PRKG1: variants seen among roughly 807,000 people sequenced by gnomAD.
PRKG1 encodes the protein cGMP-dependent protein kinase 1.
A neutral mutation model predicts 88.1 loss-of-function variants in PRKG1; 35 were observed. The ratio of observed to expected loss-of-function variants is 0.40; its 90% CI spans 0.30 to 0.53. PRKG1 has a LOEUF of 0.53. Ranked by LOEUF, PRKG1 falls within the 20% of genes least tolerant of loss-of-function variation. PRKG1 has a pLI of 0.59. For missense variants in PRKG1, 540 were observed against 839.8 expected, an observed-to-expected ratio of 0.64 and a Z score of 4.41; for synonymous variants, 303 against 292.5, an observed-to-expected ratio of 1.04 and a Z score of -0.37.
chr10:52,114,127 G>A (rs1363063768), intron 7 of PRKG1, among the ~76,000 whole-genome samples: 1 of 152,014 alleles, frequency 6.6e-6, no homozygotes, highest in Non-Finnish European at 1.5e-5. Context: ...CTATGTTATT[G>A]CTCAGTTTAG....
chr10:52,034,343 T>A lies in PRKG1; in HGVS notation c.763-20141T>A, dbSNP rs10823986. 5.2e-5 allele frequency among the ~76,000 whole-genome samples: 5 copies of A among 96,452 alleles called. 1 individual carries two copies. Among genetic ancestry groups the A allele is most frequent in the Admixed American group, 1.1e-4 (1 of 9,082 alleles). The allele number at this position is 96,452 out of a possible 152,430, so 63.3% of individuals were successfully genotyped here. On this transcript the variant is annotated intron_variant, in intron 5 of 17. Transcript: ENST00000373980. ...GGGCTGCTTCAAGCGGGATTAGGGG[T>A]GACGTGGGAACCTAGAGTGGGAGAG...
At chr10:51,616,794 G>A (rs1466166523) in intron 3 of PRKG1, among the ~76,000 whole-genome samples, 1 of 152,136 alleles carries the variant, frequency 6.6e-6, no homozygotes, top group East Asian at 1.9e-4. Context: ...GTAGGGTGGG[G>A]CTGTCTTCAC....
At chr10:52,087,600 A>G (rs951330530) in intron 7 of PRKG1, among the ~76,000 whole-genome samples, 1 of 152,150 alleles carries the variant, frequency 6.6e-6, no homozygotes, top group African/African-American at 2.4e-5. Flanking sequence ...AGAGAAATTT[A>G]CTCACATTTT....
intron 2 of PRKG1, among the ~76,000 whole-genome samples, chr10:51,401,144 T>C (rs1475511943): frequency 1.3e-5 from 2 of 152,256 alleles, no homozygotes; most frequent in Admixed American, 1.3e-4. Context: ...AATATTAATT[T>C]TAACAATATA....
At chr10:51,572,151 A>G (rs1223946452) in intron 3 of PRKG1, among the ~76,000 whole-genome samples, 1 of 151,898 alleles carries the variant, frequency 6.6e-6, no homozygotes, top group Non-Finnish European at 1.5e-5. Flanking sequence ...TTACTTTTGT[A>G]AATTTCTGAG....
intron 5 of PRKG1, among the ~76,000 whole-genome samples, chr10:52,000,087 C>A (rs549190395): frequency 2.8e-4 from 42 of 152,096 alleles, no homozygotes; most frequent in Admixed American, 2.0e-3. Context: ...CACTCACACC[C>A]TTTCCATTAC....
intron 2 of PRKG1, among the ~76,000 whole-genome samples, chr10:51,266,906 A>C (rs1450212747): frequency 1.3e-5 from 2 of 150,066 alleles, no homozygotes; most frequent in African/African-American, 5.0e-5. Context: ...TTATAGGCCA[A>C]TATCTGCCAG....
intron 2 of PRKG1, among the ~76,000 whole-genome samples, chr10:51,210,799 G>A (rs940686379): frequency 6.6e-6 from 1 of 151,958 alleles, no homozygotes; most frequent in African/African-American, 2.4e-5. Context: ...CCAATAACAG[G>A]TCTGAAATTG....
At chr10:51,704,788 T>C (rs958886608) in intron 3 of PRKG1, among the ~76,000 whole-genome samples, 2 of 151,962 alleles carry the variant, frequency 1.3e-5, no homozygotes, top group African/African-American at 4.8e-5. Context: ...TTATAAAAGG[T>C]TTTGAAGTTC....
chr10:51,219,733 TA>T (rs1008277250), intron 2 of PRKG1, among the ~76,000 whole-genome samples: 2 of 151,252 alleles, frequency 1.3e-5, no homozygotes, highest in East Asian at 1.9e-4. Context: ...TAATAAAATT[TA>T]AAAAAAAGGC....
At chr10:51,545,922 CT>C (rs1364530947) in intron 3 of PRKG1, among the ~76,000 whole-genome samples, 1 of 151,134 alleles carries the variant, frequency 6.6e-6, no homozygotes, top group Non-Finnish European at 1.5e-5. Context: ...CTCTCCTTCT[CT>C]TTTTTTCTCT....
At chr10:51,061,650 T>A (rs760845675) in intron 1 of PRKG1, among the ~76,000 whole-genome samples, 1 of 152,204 alleles carries the variant, frequency 6.6e-6, no homozygotes, top group Non-Finnish European at 1.5e-5. Context: ...ATGTCCTTTT[T>A]CCTATGTTTT....
intron 12 of PRKG1, among the ~76,000 whole-genome samples, chr10:52,275,867 T>C (rs2132439757): frequency 6.6e-6 from 1 of 152,212 alleles, no homozygotes; most frequent in South Asian, 2.1e-4. Context: ...TGTTTTGTAG[T>C]TTTTCTGGTA....
intron 3 of PRKG1, among the ~76,000 whole-genome samples, chr10:51,604,843 A>G (rs1261198176): frequency 6.6e-6 from 1 of 152,210 alleles, no homozygotes; most frequent in African/African-American, 2.4e-5. Flanking sequence ...GCGCTCTTTC[A>G]GCTATGCCAT....
At chr10:51,067,270 G>GTATATATATATATATATATATATATATA (rs10612353) in intron 1 of PRKG1, among the ~76,000 whole-genome samples, 5 of 146,614 alleles carry the variant, frequency 3.4e-5, no homozygotes, top group Admixed American at 2.0e-4. Context: ...ATGTATGTGT[G>GTATATATATATATATATATATATATATA]TATATATATA....
At chr10:51,385,009 A>G (rs1285967650) in intron 2 of PRKG1, among the ~76,000 whole-genome samples, 1 of 152,220 alleles carries the variant, frequency 6.6e-6, no homozygotes, top group Non-Finnish European at 1.5e-5. Context: ...CAAGTAAAGG[A>G]TTGTCTCTCG....
At chr10:51,344,068 T>TA (rs779250161) in intron 2 of PRKG1, among the ~76,000 whole-genome samples, 1 of 152,220 alleles carries the variant, frequency 6.6e-6, no homozygotes, top group Non-Finnish European at 1.5e-5. Flanking sequence ...TATAAAGAAA[T>TA]ACCTGAGACT....
At chr10:51,696,336 A>T (rs1841292179) in intron 3 of PRKG1, 1 of 152,028 alleles carries the variant, frequency 6.6e-6, no homozygotes, top group Non-Finnish European at 1.5e-5. Flanking sequence ...AGAAACTGAG[A>T]GTTTTACTTA....
At chr10:51,807,374 A>C (rs527503878) in intron 4 of PRKG1, among the ~76,000 whole-genome samples, 19 of 152,312 alleles carry the variant, frequency 1.2e-4, no homozygotes, top group African/African-American at 4.3e-4. Flanking sequence ...AGGGGTGGAA[A>C]GGGTACCATC....
Sources: allele counts gnomAD v4.1 joint callset (sites outside exome capture counted in the v4.1 genomes callset), GRCh38; gene constraint gnomAD v4.1.1; transcripts MANE v1.5; gene names NCBI Gene and HGNC (gene_info 2026-07-23, HGNC 2026-07-21).